PPP1R1C: variants seen among roughly 807,000 people sequenced by gnomAD.
PPP1R1C encodes protein phosphatase 1 regulatory inhibitor subunit 1C, also known as protein phosphatase 1 regulatory subunit 1C.
In PPP1R1C, 15 loss-of-function variants were observed where a neutral mutation model predicts 17.4. The observed-to-expected ratio is 0.86, with a 90% CI of 0.58 to 1.33. PPP1R1C has a LOEUF of 1.33. Ranked by LOEUF, PPP1R1C falls within the 40% of genes most tolerant of loss-of-function variation. The probability of loss-of-function intolerance (pLI) is 0.00; values close to 1 mark genes in which losing one functional copy is unlikely to be tolerated. For synonymous variants in PPP1R1C, 35 were observed against 43.1 expected, an observed-to-expected ratio of 0.81 and a Z score of 0.73; for missense variants, 143 against 130.0, an observed-to-expected ratio of 1.10 and a Z score of -0.48.
intron 4 of PPP1R1C, among the ~76,000 whole-genome samples, chr2:182,096,569 A>T (rs986959132): frequency 3.9e-5 from 6 of 152,260 alleles, no homozygotes; most frequent in African/African-American, 1.4e-4. Context: ...CTGGCTTTAA[A>T]TGCGCTCCTA....
intron 5 of PPP1R1C, among the ~76,000 whole-genome samples, chr2:182,125,755 C>A (rs1361503183): frequency 2.0e-5 from 3 of 152,024 alleles, no homozygotes; most frequent in South Asian, 2.1e-4. Context: ...CCCTTTATAA[C>A]TTTTTAATGT....
At chr2:182,055,404 A>G (rs1439227833) in intron 2 of PPP1R1C, among the ~76,000 whole-genome samples, 2 of 152,138 alleles carry the variant, frequency 1.3e-5, no homozygotes, top group African/African-American at 4.8e-5. Context: ...AAAATCTATG[A>G]TATTTACTCA....
intron 4 of PPP1R1C, among the ~76,000 whole-genome samples, chr2:182,074,695 C>A (rs1383816565): frequency 2.6e-5 from 4 of 152,108 alleles, no homozygotes; most frequent in African/African-American, 7.2e-5. Flanking sequence ...CAAAAAGGAG[C>A]CTGATCTGCA....
intron 2 of PPP1R1C, among the ~76,000 whole-genome samples, chr2:182,046,343 T>A (rs1020041709): frequency 2.0e-5 from 3 of 152,188 alleles, no homozygotes; most frequent in Non-Finnish European, 4.4e-5. Context: ...TAGTAACCAC[T>A]GTTCCACTCT....
At chr2:181,959,153 T>C (rs1684720769) in intron 1 of PPP1R1C, among the ~76,000 whole-genome samples, 1 of 152,248 alleles carries the variant, frequency 6.6e-6, no homozygotes, top group Admixed American at 6.5e-5. Flanking sequence ...AGCCTCAGTC[T>C]GTAAATTTTA....
At chr2:182,114,859 TA>T (rs1211819006) in intron 4 of PPP1R1C, among the ~76,000 whole-genome samples, 1 of 152,170 alleles carries the variant, frequency 6.6e-6, no homozygotes, top group Non-Finnish European at 1.5e-5. Context: ...ATTATTATTA[TA>T]AAATAAATTA....
At chr2:182,068,722 C>T (rs1688061177) in intron 4 of PPP1R1C, among the ~76,000 whole-genome samples, 1 of 152,040 alleles carries the variant, frequency 6.6e-6, no homozygotes, top group Non-Finnish European at 1.5e-5. Flanking sequence ...CCTTGCAGTT[C>T]AAAAAAGTTG....
chr2:182,016,356 TG>T (rs1686262912), intron 2 of PPP1R1C, among the ~76,000 whole-genome samples: 1 of 152,312 alleles, frequency 6.6e-6, no homozygotes, highest in Middle Eastern at 3.4e-3. Context: ...ATTTGATTTT[TG>T]GTTCTTTCTT....
intron 2 of PPP1R1C, among the ~76,000 whole-genome samples, chr2:182,000,766 A>G (rs1265984568): frequency 6.6e-6 from 1 of 152,198 alleles, no homozygotes; most frequent in Non-Finnish European, 1.5e-5. Flanking sequence ...CCTCGGTTTC[A>G]GTGATTGGAT....
At chr2:182,117,023 G>C (rs2125237797) in intron 4 of PPP1R1C, among the ~76,000 whole-genome samples, 184 bp from the exon 5 acceptor site, 1 of 152,076 alleles carries the variant, frequency 6.6e-6, no homozygotes, top group South Asian at 2.1e-4. Flanking sequence ...AATTCAGCTG[G>C]GTATGTTTTT....
At chr2:181,987,920 T>C in intron 2 of PPP1R1C, 21 bp downstream of exon 2, 1 of 1,582,224 alleles carries the variant, frequency 6.3e-7, no homozygotes, top group Non-Finnish European at 8.7e-7. Context: ...ATGATGTGTT[T>C]CACACTGATG....
At chr2:181,964,729 A>G (rs1684876580) in intron 1 of PPP1R1C, among the ~76,000 whole-genome samples, 1 of 152,192 alleles carries the variant, frequency 6.6e-6, no homozygotes, top group African/African-American at 2.4e-5. Context: ...TTATTGAAAC[A>G]GAGTCTCACC....
intron 2 of PPP1R1C, among the ~76,000 whole-genome samples, chr2:182,045,452 AAC>A (rs1687314670): frequency 1.3e-5 from 2 of 151,984 alleles, no homozygotes; most frequent in Non-Finnish European, 2.9e-5. Context: ...AAAAAAAAAA[AAC>A]TTCCATTGAT....
intron 1 of PPP1R1C, among the ~76,000 whole-genome samples, chr2:181,955,296 T>C (rs1165913914): frequency 6.6e-6 from 1 of 152,260 alleles, no homozygotes; most frequent in Non-Finnish European, 1.5e-5. Context: ...CATATTTCTT[T>C]CCTCTTTACC....
At chr2:182,019,320 C>T (rs1470451427) in intron 2 of PPP1R1C, among the ~76,000 whole-genome samples, 1 of 152,176 alleles carries the variant, frequency 6.6e-6, no homozygotes, top group Non-Finnish European at 1.5e-5. Context: ...AGTACTTTCT[C>T]TCATCAAATA....
At chr2:181,998,234 T>C (rs1208430522) in intron 2 of PPP1R1C, among the ~76,000 whole-genome samples, 2 of 152,200 alleles carry the variant, frequency 1.3e-5, no homozygotes, top group African/African-American at 4.8e-5. Context: ...GTTGCTGGAA[T>C]CAAGTGAGAT....
At chr2:182,027,089 A>T (rs1204885168) in intron 2 of PPP1R1C, among the ~76,000 whole-genome samples, 1 of 143,786 alleles carries the variant, frequency 7.0e-6, no homozygotes, top group Admixed American at 7.0e-5. Context: ...GAAGTTGCTT[A>T]TCAGCTTAAG....
chr2:182,084,989 A>C (rs964096643), intron 4 of PPP1R1C, among the ~76,000 whole-genome samples: 2 of 151,888 alleles, frequency 1.3e-5, no homozygotes, highest in Non-Finnish European at 2.9e-5. Flanking sequence ...GTATATTCCT[A>C]GGTATTTTAT....
chr2:182,068,365 AC>A (rs1688047925), intron 4 of PPP1R1C, among the ~76,000 whole-genome samples: 1 of 152,142 alleles, frequency 6.6e-6, no homozygotes, highest in South Asian at 2.1e-4. Flanking sequence ...TTTCTGCTTC[AC>A]CCTGCAGCAT....
Sources: allele counts gnomAD v4.1 joint callset (sites outside exome capture counted in the v4.1 genomes callset), GRCh38; gene constraint gnomAD v4.1.1; transcripts MANE v1.5; gene names NCBI Gene and HGNC (gene_info 2026-07-23, HGNC 2026-07-21).